The following COL4A4 variants were observed in gnomAD, a reference collection of about 807,000 sequenced individuals.
COL4A4 encodes collagen type IV alpha 4 chain.
In COL4A4, 105 loss-of-function variants were observed where a neutral mutation model predicts 192.9. The observed-to-expected ratio is 0.54, with a 90% CI of 0.46 to 0.64. COL4A4 has a LOEUF of 0.64. Among genes scored for constraint, COL4A4 ranks in the 30% least tolerant of loss-of-function variants. The pLI, the probability that COL4A4 is intolerant of heterozygous loss-of-function variation, is 0.00. For synonymous variants in COL4A4, 762 were observed against 769.9 expected (o/e 0.99, Z 0.17); for missense variants, 1,967 against 2,169.3 (o/e 0.91, Z 1.85).
At chr2:227,153,608 G>A (rs1383520032) in intron 1 of COL4A4, among the ~76,000 whole-genome samples, 1 of 152,156 alleles carries the variant, frequency 6.6e-6, no homozygotes, top group Non-Finnish European at 1.5e-5. Context: ...CAGACAGAAT[G>A]TGGATCACTC....
At chr2:227,101,391 C>A in intron 17 of COL4A4, 113 bp downstream of exon 17, 1 of 901,440 alleles carries the variant, frequency 1.1e-6, no homozygotes, top group Non-Finnish European at 1.7e-6. Flanking sequence ...AACTGTATCT[C>A]TTCTAAAAAT....
intron 34 of COL4A4, among the ~76,000 whole-genome samples, chr2:227,048,110 CA>C (rs1973288413): frequency 2.0e-5 from 3 of 152,114 alleles, no homozygotes; most frequent in Non-Finnish European, 4.4e-5. Flanking sequence ...CTTCCAGACA[CA>C]AGGACCTACA....
intron 4 of COL4A4, among the ~76,000 whole-genome samples, chr2:227,135,250 CT>C (rs2062739248): frequency 1.4e-5 from 1 of 69,772 alleles, no homozygotes; most frequent in Non-Finnish European, 4.2e-5. Context: ...CCAGCCCCCT[CT>C]AGGACAAATT....
intron 24 of COL4A4, among the ~76,000 whole-genome samples, 171 bp from the exon 25 acceptor site, chr2:227,078,248 A>G (rs978202666): frequency 2.0e-5 from 3 of 150,560 alleles, no homozygotes; most frequent in Non-Finnish European, 4.4e-5. Context: ...AATATTTTAA[A>G]TATATATATA....
chr2:226,973,851 G>A, the COL4A4 span, among the ~76,000 whole-genome samples: 2 of 152,196 alleles, frequency 1.3e-5, no homozygotes, highest in Non-Finnish European at 2.9e-5. Context: ...CCATGAGTAA[G>A]GCTACTGTGT....
chr2:227,129,744 G>A (rs961174356), intron 4 of COL4A4, among the ~76,000 whole-genome samples: 2 of 152,044 alleles, frequency 1.3e-5, no homozygotes, highest in Non-Finnish European at 2.9e-5. Flanking sequence ...ATTCATGAAC[G>A]TTTTTATTTC....
chr2:227,150,125 T>G (rs2063829609), intron 1 of COL4A4, among the ~76,000 whole-genome samples: 2 of 152,192 alleles, frequency 1.3e-5, no homozygotes, highest in African/African-American at 4.8e-5. Flanking sequence ...GAAGATACTT[T>G]GGGATCTTTT....
chr2:227,031,964 A>AG lies in COL4A4; in HGVS notation c.3797dup (p.Gly1267TrpfsTer3), dbSNP rs1397078027. 6.2e-7 allele frequency: 1 copy of AG among 1,611,896 alleles called. No individual in the cohort carries two copies. The highest frequency in any genetic ancestry group is 1.1e-5 in the South Asian group (1 of 91,006). ...TCATACCTCTTGGGCCATCAGGACC[A>AG]GGAGGTCCCTGATCTCCAGGTGGAC... On this transcript the variant is annotated frameshift_variant, in exon 40 of 48. Coordinates refer to ENST00000396625, the MANE Select transcript of COL4A4 (RefSeq NM_000092.5). LOFTEE classifies it high-confidence loss of function.
At chr2:227,067,820 GA>G in intron 25 of COL4A4, among the ~76,000 whole-genome samples, 1 of 150,614 alleles carries the variant, frequency 6.6e-6, no homozygotes, top group Non-Finnish European at 1.5e-5. Flanking sequence ...AGAAAAGCAA[GA>G]GCAAACACAT....
At position 227,111,734 on chromosome 2, in the gene COL4A4, T is replaced by C. The variant is rs56306477; in HGVS notation, c.559-21A>G. 23,318 of 1,612,230 alleles carry C rather than the reference T, an allele frequency of 0.014. 242 individuals carry two copies. Among genetic ancestry groups the C allele is most frequent in the Non-Finnish European group, 0.016 (19,376 of 1,178,232 alleles). On this transcript the variant is annotated intron_variant, in intron 8 of 47. Coordinates refer to ENST00000396625, the MANE Select transcript of COL4A4 (RefSeq NM_000092.5). ...TCTCCCTGCAAAAATAAGAATGCAT[T>C]GCTTTAAGTCCACACAATGTTCCTA...
At chr2:227,113,712 G>A (rs185628886) in intron 8 of COL4A4, among the ~76,000 whole-genome samples, 35 of 152,188 alleles carry the variant, frequency 2.3e-4, no homozygotes, top group Admixed American at 3.3e-4. Flanking sequence ...CAAATCCATC[G>A]TTCTTGCTGT....
the COL4A4 span, chr2:226,995,439 A>G: frequency 6.2e-7 from 1 of 1,610,432 alleles, no homozygotes; most frequent in South Asian, 1.1e-5. Flanking sequence ...AGGAAATACC[A>G]GAAATAGCCC....
chr2:227,103,075 G>T, intron 14 of COL4A4, 69 bp downstream of exon 14: 1 of 1,389,394 alleles, frequency 7.2e-7, no homozygotes, highest in African/African-American at 1.5e-5. Context: ...AAGACCATGA[G>T]AAATAACATT....
At chr2:226,982,763 TTCA>T in the COL4A4 span, among the ~76,000 whole-genome samples, 1 of 152,202 alleles carries the variant, frequency 6.6e-6, no homozygotes, top group Non-Finnish European at 1.5e-5. Context: ...TGTTCTTTCA[TTCA>T]TTCCTCAAGC....
chr2:227,059,775 C>T, intron 27 of COL4A4, 152 bp from the exon 28 acceptor site: 1 of 698,594 alleles, frequency 1.4e-6, no homozygotes, highest in Admixed American at 2.6e-5. Context: ...TGTTTTGCCA[C>T]CTTTTGTAGA....
intron 19 of COL4A4, among the ~76,000 whole-genome samples, chr2:227,096,229 G>A (rs2060199722): frequency 6.6e-6 from 1 of 152,156 alleles, no homozygotes; most frequent in Non-Finnish European, 1.5e-5. Context: ...GGAAGCCTTA[G>A]TACAGAGCCC....
At chr2:226,970,086 G>A in the COL4A4 span, among the ~76,000 whole-genome samples, 1 of 144,756 alleles carries the variant, frequency 6.9e-6, no homozygotes, top group Admixed American at 7.5e-5. Context: ...TTAAATGGTT[G>A]TCCATGAAGA....
In COL4A4 at chr2:227,007,319, C is replaced by A. The variant is rs1180676282; in HGVS notation, c.*6G>T. The A allele has an allele frequency of 9.9e-6, 16 of 1,614,232 alleles. No homozygotes were observed. The East Asian group carries it at 3.6e-4, about 36-fold the overall frequency. ...CTTGGCCACGTGTTGGTGAATTTCG[C>A]ATTCTCTAGCTATACTTCACGCAGA... is the stretch of plus-strand genomic sequence containing the variant. On this transcript the variant is annotated 3_prime_UTR_variant, in exon 48 of 48. Transcript: ENST00000396625.
intron 1 of COL4A4, among the ~76,000 whole-genome samples, chr2:227,151,450 T>C (rs2063939261): frequency 6.6e-6 from 1 of 152,226 alleles, no homozygotes; most frequent in Non-Finnish European, 1.5e-5. Context: ...AACGATCCTT[T>C]CTACTGAAAT....
Sources: allele counts gnomAD v4.1 joint callset (sites outside exome capture counted in the v4.1 genomes callset), GRCh38; gene constraint gnomAD v4.1.1; transcripts MANE v1.5; gene names NCBI Gene and HGNC (gene_info 2026-07-23, HGNC 2026-07-21).